CDH13: variants seen among roughly 807,000 people sequenced by gnomAD.
The protein encoded by CDH13 is cadherin-13.
CDH13 carries 24 observed loss-of-function variants against 63.8 expected under a neutral mutation model. The observed-to-expected ratio is 0.38, with a 90% confidence interval of 0.27 to 0.53. The LOEUF is 0.53. Ranked by LOEUF, CDH13 falls within the 20% of genes least tolerant of loss-of-function variation. The pLI is 0.85. For missense variants in CDH13, 1,049 were observed against 903.1 expected (o/e 1.16, Z -2.07); for synonymous variants, 503 against 355.3 (o/e 1.42, Z -4.67).
chr16:83,729,161 C>T (rs1389403331), intron 10 of CDH13, among the ~76,000 whole-genome samples: 7 of 152,082 alleles, frequency 4.6e-5, no homozygotes, highest in Non-Finnish European at 1.0e-4. Context: ...CTATCAACAT[C>T]CGAATTTGGG....
chr16:82,945,490 C>T (rs947033484), intron 2 of CDH13, among the ~76,000 whole-genome samples: 2 of 152,144 alleles, frequency 1.3e-5, no homozygotes, highest in African/African-American at 2.4e-5. Flanking sequence ...TCTGCACCAT[C>T]GGTAGTTTCT....
intron 6 of CDH13, among the ~76,000 whole-genome samples, chr16:83,479,444 C>T (rs1016237331): frequency 1.3e-5 from 2 of 152,100 alleles, no homozygotes; most frequent in Non-Finnish European, 2.9e-5. Flanking sequence ...ATCACGAGTT[C>T]AGGAGATCGA....
intron 8 of CDH13, among the ~76,000 whole-genome samples, chr16:83,658,647 A>G (rs868471888): frequency 0.011 from 1,676 of 146,290 alleles, no homozygotes; most frequent in Middle Eastern, 0.023. Context: ...TGTCCTCACC[A>G]CCAGGTCCCA....
intron 2 of CDH13, among the ~76,000 whole-genome samples, chr16:83,018,851 A>C (rs1488693981): frequency 1.3e-5 from 2 of 152,228 alleles, no homozygotes; most frequent in Non-Finnish European, 2.9e-5. Flanking sequence ...AAACATATCT[A>C]AACACAGAAA....
intron 2 of CDH13, among the ~76,000 whole-genome samples, chr16:82,913,560 C>T (rs982323871): frequency 8.5e-5 from 13 of 152,148 alleles, no homozygotes; most frequent in Non-Finnish European, 1.8e-4. Context: ...ATGGGTCAAA[C>T]ATGAGGCAAT....
intron 5 of CDH13, among the ~76,000 whole-genome samples, chr16:83,333,190 A>G (rs925943804): frequency 2.0e-5 from 3 of 152,188 alleles, no homozygotes; most frequent in Non-Finnish European, 4.4e-5. Flanking sequence ...CCGTAATGAC[A>G]TTTAACTTGA....
At position 83,800,301 on chromosome 16, in the gene CDH13, T is replaced by C. The variant is rs1904311997; in HGVS notation, c.*5271T>C. On this transcript the variant is annotated 3_prime_UTR_variant, in exon 14 of 14. Transcript: ENST00000567109. ...TTTAGAGAGTACTAAAGCCATTCTA[T>C]ATCTGTCGTACACATGAATTCAGAC... The C allele has an allele frequency of 6.6e-6, 1 of 152,228 alleles. No individual in the cohort carries two copies. Among genetic ancestry groups the C allele is most frequent in the Non-Finnish European group, 1.5e-5 (1 of 68,040 alleles). The allele number at this position is 152,228 out of a possible 1,614,324, so 9.4% of individuals were successfully genotyped here. A position where few individuals can be genotyped will look rare whatever the true frequency, so the allele number is the denominator to read the frequency against.
chr16:82,682,071 A>G (rs1914609312), intron 1 of CDH13, among the ~76,000 whole-genome samples: 1 of 152,242 alleles, frequency 6.6e-6, no homozygotes, highest in Non-Finnish European at 1.5e-5. Context: ...GTAATAATAG[A>G]TAACATGTAT....
At chr16:82,665,240 G>T in intron 1 of CDH13, among the ~76,000 whole-genome samples, 1 of 152,174 alleles carries the variant, frequency 6.6e-6, no homozygotes, top group East Asian at 1.9e-4. Context: ...GTGGACTGCA[G>T]AGTGCTCTCT....
At position 83,486,154 on chromosome 16, in the gene CDH13, G is replaced by A. The variant is rs559849441; in HGVS notation, c.782-323G>A. 2.0e-3 allele frequency among the ~76,000 whole-genome samples: 203 copies of A among 99,942 alleles called. 5 individuals carry two copies. In the South Asian group the frequency reaches 0.05, roughly 25 times the overall value. The allele number at this position is 99,942 out of a possible 152,430, so 65.6% of individuals were successfully genotyped here. On this transcript the variant is annotated intron_variant, in intron 6 of 13. Coordinates refer to ENST00000567109, the MANE Select transcript of CDH13 (RefSeq NM_001257.5). Reference sequence around the variant, plus strand: ...CGAGACTCTGTCTAAAAAAATGAATGTCCCTGTCACAAAGCCACATCCACA... The same window carrying A: ...CGAGACTCTGTCTAAAAAAATGAATATCCCTGTCACAAAGCCACATCCACA...
chr16:82,981,836 C>T (rs1438536491), intron 2 of CDH13, among the ~76,000 whole-genome samples: 2 of 152,192 alleles, frequency 1.3e-5, no homozygotes, highest in Non-Finnish European at 2.9e-5. Context: ...CCAGTGGCTT[C>T]CTAATGACCA....
chr16:83,152,272 G>T (rs1040212984), intron 4 of CDH13, among the ~76,000 whole-genome samples: 1 of 152,088 alleles, frequency 6.6e-6, no homozygotes, highest in Non-Finnish European at 1.5e-5. Context: ...AATGATCCAC[G>T]ACAAGGAAGT....
chr16:83,121,164 T>C (rs985972386), intron 3 of CDH13, among the ~76,000 whole-genome samples: 3 of 152,232 alleles, frequency 2.0e-5, no homozygotes, highest in African/African-American at 4.8e-5. Context: ...ATACAGAATC[T>C]AGTTTTCTTT....
chr16:82,703,038 C>T (rs116762608), intron 1 of CDH13, among the ~76,000 whole-genome samples: 1 of 152,172 alleles, frequency 6.6e-6, no homozygotes, highest in African/African-American at 2.4e-5. Flanking sequence ...CAAACACTTA[C>T]AGCATCAGTT....
intron 1 of CDH13, among the ~76,000 whole-genome samples, chr16:82,846,870 G>A (rs1460330645): frequency 6.6e-5 from 10 of 151,870 alleles, no homozygotes; most frequent in Admixed American, 5.2e-4. Context: ...TTTGAAAGAG[G>A]CAATTACTAA....
intron 6 of CDH13, among the ~76,000 whole-genome samples, chr16:83,455,507 C>T (rs1237605629): frequency 6.6e-6 from 1 of 152,102 alleles, no homozygotes; most frequent in African/African-American, 2.4e-5. Flanking sequence ...GGATTTTCTC[C>T]TCTTCCCTAG....
intron 4 of CDH13, among the ~76,000 whole-genome samples, chr16:83,177,211 C>G (rs775012768): frequency 2.6e-5 from 4 of 152,194 alleles, no homozygotes; most frequent in Non-Finnish European, 2.9e-5. Flanking sequence ...GACTCAAATA[C>G]TCAGATCTTT....
chr16:82,704,976 C>G (rs1423904144), intron 1 of CDH13: 2 of 357,492 alleles, frequency 5.6e-6, no homozygotes, highest in Non-Finnish European at 1.1e-5. Context: ...GACAATGTCT[C>G]TTGCTGCTGC....
intron 1 of CDH13, among the ~76,000 whole-genome samples, chr16:82,818,878 T>C (rs2037858918): frequency 6.6e-6 from 1 of 152,206 alleles, no homozygotes. Context: ...GAAGAAAACA[T>C]GGCTAACGGT....
Sources: allele counts gnomAD v4.1 joint callset (sites outside exome capture counted in the v4.1 genomes callset), GRCh38; gene constraint gnomAD v4.1.1; transcripts MANE v1.5; gene names NCBI Gene and HGNC (gene_info 2026-07-23, HGNC 2026-07-21).